SRRM3: variants seen among roughly 807,000 people sequenced by gnomAD.
SRRM3 encodes serine/arginine repetitive matrix 3.
In SRRM3, 27 loss-of-function variants were observed where a neutral mutation model predicts 66.2. The observed-to-expected ratio is 0.41, with a 90% CI of 0.30 to 0.56. The LOEUF (loss-of-function observed/expected upper bound fraction) is 0.56. SRRM3 is among the 20% of genes least tolerant of loss of function. SRRM3 has a pLI of 0.32. For missense variants in SRRM3, 918 were observed against 991.9 expected (o/e 0.93, Z 1.00); for synonymous variants, 391 against 414.9 (o/e 0.94, Z 0.70).
At chr7:76,211,517 A>AG (rs1554601700) in intron 1 of SRRM3, among the ~76,000 whole-genome samples, 1 of 152,148 alleles carries the variant, frequency 6.6e-6, no homozygotes, top group Admixed American at 6.5e-5. Flanking sequence ...GCATGGCCAG[A>AG]GCTGTTCCAG....
chr7:76,282,527 C>G (rs1554612079), intron 12 of SRRM3, 121 bp from the exon 13 acceptor site: 1 of 536,386 alleles, frequency 1.9e-6, no homozygotes, highest in Non-Finnish European at 3.0e-6. Context: ...TCCGCGCGAA[C>G]TGACCACAAA....
intron 14 of SRRM3, chr7:76,283,866 C>T: frequency 5.1e-6 from 5 of 984,130 alleles, no homozygotes; most frequent in Non-Finnish European, 6.0e-6. Flanking sequence ...TGGAAATCAC[C>T]CTGAAGCCCT....
chr7:76,262,529 A>AAC (rs1307001913), intron 8 of SRRM3, among the ~76,000 whole-genome samples: 10 of 151,308 alleles, frequency 6.6e-5, no homozygotes, highest in Non-Finnish European at 1.5e-4. Context: ...AAAAAAAAAA[A>AAC]AAAAAACAAA....
chr7:76,263,754 T>C (rs914948736), intron 8 of SRRM3, among the ~76,000 whole-genome samples: 5 of 151,586 alleles, frequency 3.3e-5, no homozygotes, highest in African/African-American at 9.7e-5. Flanking sequence ...GCTACTGTAA[T>C]CCCAGCTACC....
intron 1 of SRRM3, among the ~76,000 whole-genome samples, chr7:76,207,090 G>A (rs139485379): frequency 4.1e-4 from 62 of 152,158 alleles, no homozygotes; most frequent in African/African-American, 1.3e-3. Context: ...TAAGAATGGC[G>A]TATCTTCAGC....
chr7:76,228,452 C>T (rs1389111739), intron 1 of SRRM3, among the ~76,000 whole-genome samples: 2 of 151,924 alleles, frequency 1.3e-5, no homozygotes, highest in African/African-American at 2.4e-5. Context: ...TTGCTGGGCG[C>T]GGTGGCTCAA....
intron 11 of SRRM3, among the ~76,000 whole-genome samples, chr7:76,274,923 T>G (rs1802303350): frequency 6.6e-6 from 1 of 152,040 alleles, no homozygotes; most frequent in Non-Finnish European, 1.5e-5. Context: ...CTGGCCAACA[T>G]GGCAAAACCC....
intron 1 of SRRM3, among the ~76,000 whole-genome samples, chr7:76,211,251 G>A (rs1271285551): frequency 6.6e-6 from 1 of 152,234 alleles, no homozygotes; most frequent in East Asian, 1.9e-4. Flanking sequence ...CTCGTAGAAT[G>A]AATGCAGGTT....
At chr7:76,209,090 T>G (rs1800369786) in intron 1 of SRRM3, among the ~76,000 whole-genome samples, 1 of 152,028 alleles carries the variant, frequency 6.6e-6, no homozygotes, top group African/African-American at 2.4e-5. Context: ...CAGAGCAAGA[T>G]CCTGTCTCCA....
At chr7:76,203,033 G>C (rs1182101870) in intron 1 of SRRM3, among the ~76,000 whole-genome samples, 1 of 152,200 alleles carries the variant, frequency 6.6e-6, no homozygotes, top group Non-Finnish European at 1.5e-5. Flanking sequence ...CCCATGGCAA[G>C]AGAAAAGGCA....
chr7:76,261,382 G>A lies in SRRM3; in HGVS notation c.606G>A (p.Lys202=). The A allele has an allele frequency of 6.3e-7, 1 of 1,599,414 alleles. No homozygotes were observed. Among genetic ancestry groups the A allele is most frequent in the South Asian group, 1.1e-5 (1 of 89,748 alleles). Residue 202 remains lysine (K), a synonymous_variant, in exon 7 of 15, where the codon AAG becomes AAA. Transcript: ENST00000611745. The stretch of plus-strand genomic sequence containing the variant: ...GGAGCTCCTCACCCCTCCGCAAGAA[G>A]AAGAAGAGTGTGAAGAAGCATCGCC... ...SCGSSSPLRK[K]KKSVKKHRRD...
intron 1 of SRRM3, among the ~76,000 whole-genome samples, chr7:76,227,628 T>C (rs541997062): frequency 2.4e-4 from 37 of 152,330 alleles, no homozygotes; most frequent in Non-Finnish European, 4.7e-4. Context: ...AGTTCTCTTT[T>C]ATCACACTAT....
chr7:76,255,148 C>CTTTCTTTTTTTTTTTTT (rs1447372520), intron 3 of SRRM3, among the ~76,000 whole-genome samples: 1 of 83,176 alleles, frequency 1.2e-5, no homozygotes, highest in African/African-American at 6.3e-5. Context: ...TTCTTTCTTT[C>CTTTCTTTTTTTTTTTTT]TTTTTTTTTT....
At position 76,221,849 on chromosome 7, in the gene SRRM3, C is replaced by T. The variant is rs528979864; in HGVS notation, c.-39-13179C>T. Reference sequence around the variant, plus strand: ...TAACTCATGCCTGTAATGGTTTAGACTGATTGGCATAGTTCATGGCTGATA... The same window carrying T: ...TAACTCATGCCTGTAATGGTTTAGATTGATTGGCATAGTTCATGGCTGATA... On this transcript the variant is annotated intron_variant, in intron 1 of 14. Transcript: ENST00000611745. Among the ~76,000 whole-genome samples the T allele has an allele frequency of 9.2e-5, 14 of 152,312 alleles. No homozygotes were observed. The East Asian group carries it at 2.7e-3, about 29-fold the overall frequency.
chr7:76,242,816 C>G (rs942022175), intron 2 of SRRM3, among the ~76,000 whole-genome samples: 3 of 152,196 alleles, frequency 2.0e-5, no homozygotes, highest in African/African-American at 7.2e-5. Context: ...AATGCCACCA[C>G]TGATCTGATA....
At chr7:76,234,413 C>T (rs574528815) in intron 1 of SRRM3, among the ~76,000 whole-genome samples, 1 of 152,156 alleles carries the variant, frequency 6.6e-6, no homozygotes, top group East Asian at 1.9e-4. Context: ...TGGGCCCAAT[C>T]TGGGTGAGCC....
chr7:76,262,551 G>A (rs1487860239), intron 8 of SRRM3, among the ~76,000 whole-genome samples: 1 of 151,402 alleles, frequency 6.6e-6, no homozygotes, highest in Non-Finnish European at 1.5e-5. Context: ...TCTGGGTGTG[G>A]TGGCTCATGC....
At position 76,232,184 on chromosome 7, in the gene SRRM3, G is replaced by A. The variant is rs567755784; in HGVS notation, c.-39-2844G>A. On this transcript the variant is annotated intron_variant, in intron 1 of 14. Transcript: ENST00000611745. ...GGAGCTAGGAGTTGAAAGCTAAGCT[G>A]CCCTCAGCCCAGGGGGAGCCAGACC... is the stretch of plus-strand genomic sequence containing the variant. Among the ~76,000 whole-genome samples, 193 of 152,292 alleles carry A rather than the reference G, an allele frequency of 1.3e-3. 2 individuals carry two copies. In the South Asian group the frequency reaches 0.038, roughly 30 times the overall value.
chr7:76,271,243 A>C (rs1802204220), intron 11 of SRRM3, among the ~76,000 whole-genome samples: 1 of 152,100 alleles, frequency 6.6e-6, no homozygotes, highest in South Asian at 2.1e-4. Context: ...CTGAGGCAGG[A>C]GGATCACTTG....
Sources: gnomAD v4.1 joint callset for allele counts (sites outside exome capture counted in the v4.1 genomes callset) on GRCh38, gnomAD v4.1.1 for gene constraint, MANE v1.5 for transcripts, NCBI Gene and HGNC (gene_info 2026-07-23, HGNC 2026-07-21) for gene names.